The following FCHO1 variants were observed in gnomAD, a reference collection of about 807,000 sequenced individuals.
FCHO1 encodes the protein F-BAR domain only protein 1.
A neutral mutation model predicts 114.4 loss-of-function variants in FCHO1; 45 were observed. The observed-to-expected ratio is 0.39, with a 90% CI of 0.31 to 0.50. The LOEUF (loss-of-function observed/expected upper bound fraction) is 0.50. Among genes scored for constraint, FCHO1 ranks in the 20% least tolerant of loss-of-function variants. FCHO1 has a pLI of 0.77. For missense variants in FCHO1, 1,042 were observed against 1,209.6 expected (o/e 0.86, Z 2.06); for synonymous variants, 480 against 488.9 (o/e 0.98, Z 0.24).
intron 28 of FCHO1, 137 bp downstream of exon 28, chr19:17,787,983 G>A (rs946365736): frequency 3.3e-5 from 37 of 1,107,340 alleles, no homozygotes; most frequent in Non-Finnish European, 4.6e-5. Flanking sequence ...GACCCCAGAT[G>A]GGGGGCACAG....
chr19:17,755,493 G>A, intron 4 of FCHO1: 1 of 264,646 alleles, frequency 3.8e-6, no homozygotes, highest in Non-Finnish European at 7.2e-6. Context: ...TCAAACCCAG[G>A]GCCAAACTGA....
In FCHO1 at chr19:17,775,108, G is replaced by A. The variant is rs1216965490; in HGVS notation, c.945+28G>A. 6.2e-7 allele frequency: 1 copy of A among 1,606,842 alleles called. No homozygotes were observed. Among genetic ancestry groups the A allele is most frequent in the Non-Finnish European group, 8.5e-7 (1 of 1,175,908 alleles). On this transcript the variant is annotated intron_variant, in intron 14 of 28. Coordinates refer to ENST00000596536, the MANE Select transcript of FCHO1 (RefSeq NM_015122.3). The surrounding 1 kb of genome is among the most constrained non-coding windows in gnomAD (Gnocchi z 5.1). Reference sequence around the variant, plus strand: ...GAGTGATGTGGGAGGGGTCAGGCTGGGCTACAAGTGGAAGGAGTTTGATCC... The same window carrying A: ...GAGTGATGTGGGAGGGGTCAGGCTGAGCTACAAGTGGAAGGAGTTTGATCC...
At chr19:17,777,773 A>C (rs1254538964) in intron 18 of FCHO1, among the ~76,000 whole-genome samples, 1 of 152,088 alleles carries the variant, frequency 6.6e-6, no homozygotes, top group Non-Finnish European at 1.5e-5. Flanking sequence ...GGCTGCACAC[A>C]GTGGCTCACA....
intron 4 of FCHO1, among the ~76,000 whole-genome samples, chr19:17,761,223 G>T (rs1402370586): frequency 6.6e-6 from 1 of 152,128 alleles, no homozygotes; most frequent in Admixed American, 6.6e-5. Context: ...TCCTGGGAGA[G>T]AACTCAAACC....
chr19:17,784,233 C>G lies in FCHO1; in HGVS notation c.2224C>G (p.Gln742Glu). The change falls in exon 25 of 29, where the codon CAG becomes GAG. Residue 742 changes from glutamine (Q) to glutamate (E), a missense_variant and splice_region_variant. Gln to Glu is a conservative substitution (Grantham distance 29). Coordinates refer to ENST00000596536, the MANE Select transcript of FCHO1 (RefSeq NM_015122.3). This position sits in a 1 kb window ranked among gnomAD's most constrained non-coding sequence, Gnocchi z 5.3. ...CTACAACGTGGTGCTGCTGCGATAC[C>G]AGGTGCGCCACCCGCATGGGGCCGG... is the stretch of plus-strand genomic sequence containing the variant. ...SYYNVVLLRYQFSRPGPQSVP... is the reference protein window; with the variant it reads ...SYYNVVLLRYEFSRPGPQSVP... 2 of 1,602,502 alleles carry G rather than the reference C, an allele frequency of 1.2e-6. No individual in the cohort carries two copies. Among genetic ancestry groups the G allele is most frequent in the South Asian group, 1.1e-5 (1 of 89,844 alleles).
Position 17,776,553 on chromosome 19 carries a change from G to T in FCHO1, c.1208-82G>T, listed in dbSNP as rs762117794. 137 of 1,517,528 alleles carry T rather than the reference G, an allele frequency of 9.0e-5. No homozygotes were observed. The highest frequency in any genetic ancestry group is 1.2e-4 in the Non-Finnish European group (136 of 1,093,788). The allele number at this position is 1,517,528 out of a possible 1,614,324, so 94.0% of individuals were successfully genotyped here. ...CTTGGGCAACTGGCTGGACACCCCC[G>T]AGCCTCGGTCCCTTGGTCTGTGGAG... is the stretch of plus-strand genomic sequence containing the variant. On this transcript the variant is annotated intron_variant, in intron 17 of 28. Coordinates refer to ENST00000596536, the MANE Select transcript of FCHO1 (RefSeq NM_015122.3). The surrounding 1 kb of genome is among the most constrained non-coding windows in gnomAD (Gnocchi z 4.4).
rs375700835 is a variant in FCHO1 at position 17,778,860 on chromosome 19, G to A, written c.1603G>A (p.Gly535Arg). Residue 535 changes from glycine to arginine, a missense_variant, in exon 20 of 29, where the codon GGG becomes AGG. Physicochemically the swap from Gly to Arg is moderately radical, Grantham distance 125 (BLOSUM62 -2). Coordinates refer to ENST00000596536, the MANE Select transcript of FCHO1 (RefSeq NM_015122.3). ...QPLASSPGPWGLEALAGGDLM... is the reference protein window; with the variant it reads ...QPLASSPGPWRLEALAGGDLM... ...CCTCGCCTCGTCTCCAGGCCCCTGGGGGCTGGAGGCCTTGGCCGGAGGAGG... is the reference window on the plus strand; with the variant it reads ...CCTCGCCTCGTCTCCAGGCCCCTGGAGGCTGGAGGCCTTGGCCGGAGGAGG... 31 of 1,566,880 alleles carry A rather than the reference G, an allele frequency of 2.0e-5. No homozygotes were observed. The highest frequency in any genetic ancestry group is 2.3e-4 in the Middle Eastern group (1 of 4,410).
chr19:17,754,966 T>C, intron 3 of FCHO1, 152 bp from the exon 4 acceptor site: 1 of 638,482 alleles, frequency 1.6e-6, no homozygotes, highest in East Asian at 2.8e-5. Flanking sequence ...GCACTGGGGC[T>C]GAATTATCTC....
chr19:17,757,783 G>A (rs1568319180), intron 4 of FCHO1, among the ~76,000 whole-genome samples: 1 of 151,918 alleles, frequency 6.6e-6, no homozygotes, highest in Non-Finnish European at 1.5e-5. Flanking sequence ...GGGTGTGGTG[G>A]CGCGCACCTG....
At chr19:17,753,405 C>G (rs549690057) in intron 1 of FCHO1, among the ~76,000 whole-genome samples, 1 of 152,300 alleles carries the variant, frequency 6.6e-6, no homozygotes, top group African/African-American at 2.4e-5. Flanking sequence ...TTTAAAACCC[C>G]AACTCCCATG....
In FCHO1 at chr19:17,770,516, A is replaced by G. The variant is rs1296678310; in HGVS notation, c.428A>G (p.Asn143Ser). The change falls in exon 8 of 29, where the codon AAC (asparagine) becomes AGC (serine). Residue 143 changes from asparagine (N) to serine (S), a missense_variant. Coordinates refer to ENST00000596536, the MANE Select transcript of FCHO1 (RefSeq NM_015122.3). ...LLPKSRENYL[N>S]RCMDQERLRR... ...CCCAAGTCCCGCGAGAACTACCTGAACCGTTGCATGGACCAGGAGCGGCTG... is the reference window on the plus strand; with the variant it reads ...CCCAAGTCCCGCGAGAACTACCTGAGCCGTTGCATGGACCAGGAGCGGCTG... 1 of 1,613,952 alleles carries G rather than the reference A, an allele frequency of 6.2e-7. No homozygotes were observed.
intron 4 of FCHO1, among the ~76,000 whole-genome samples, chr19:17,760,689 T>G (rs930479374): frequency 6.6e-6 from 1 of 152,044 alleles, no homozygotes; most frequent in Non-Finnish European, 1.5e-5. Context: ...GGCAGATGTC[T>G]CCCAGGCTGT....
rs1230884557 is a variant in FCHO1, at chr19:17,776,964, A to C, written c.1259+278A>C. 6.6e-6 allele frequency among the ~76,000 whole-genome samples: 1 copy of C among 151,720 alleles called. No homozygotes were observed. The highest frequency in any genetic ancestry group is 2.4e-5 in the African/African-American group (1 of 41,316). The stretch of plus-strand genomic sequence containing the variant: ...AGGCACCCACCACCACGCCCAGCTA[A>C]CTTTTGTATTTTTAGTAGAGACAGG... On this transcript the variant is annotated intron_variant, in intron 18 of 28. Coordinates refer to ENST00000596536, the MANE Select transcript of FCHO1 (RefSeq NM_015122.3). This position sits in a 1 kb window ranked among gnomAD's most constrained non-coding sequence, Gnocchi z 4.4.
rs1430023239 is a variant in FCHO1 at position 17,761,756 on chromosome 19, G to A, written c.28-1006G>A. Among the ~76,000 whole-genome samples, 3 of 151,376 alleles carry A rather than the reference G, an allele frequency of 2.0e-5. No homozygotes were observed. In the South Asian group the frequency reaches 6.2e-4, roughly 31 times the overall value. On this transcript the variant is annotated intron_variant, in intron 4 of 28. Coordinates refer to ENST00000596536, the MANE Select transcript of FCHO1 (RefSeq NM_015122.3). The stretch of plus-strand genomic sequence containing the variant: ...GCTCACTGCAACCTCTGCCTCCCAC[G>A]TTCAAGCAATTCTCCTGCCTCGGCC...
intron 13 of FCHO1, 193 bp from the exon 14 acceptor site, chr19:17,774,863 C>T (rs2092389986): frequency 4.9e-6 from 3 of 615,040 alleles, no homozygotes; most frequent in Non-Finnish European, 8.6e-6. Context: ...TTTGAGAACA[C>T]TCTCTACTCA....
At position 17,775,491 on chromosome 19, in the gene FCHO1, C is replaced by A. The variant is rs1399726501; in HGVS notation, c.981C>A (p.Val327=). The A allele has an allele frequency of 6.2e-7, 1 of 1,613,980 alleles. No homozygotes were observed. Among genetic ancestry groups the A allele is most frequent in the East Asian group, 2.2e-5 (1 of 44,884 alleles). ...CPEVDEEGFT[V]RPDVTQNSTA... is the part of the protein sequence containing the mutation. ...AGGTGGATGAAGAAGGTTTCACTGTCCGGCCTGATGTGACCCAGAACAATA... is the reference window on the plus strand; with the variant it reads ...AGGTGGATGAAGAAGGTTTCACTGTACGGCCTGATGTGACCCAGAACAATA... The change falls in exon 15 of 29, where the codon GTC becomes GTA. Residue 327 remains valine (V), a synonymous_variant. Transcript: ENST00000596536. The surrounding 1 kb of genome is among the most constrained non-coding windows in gnomAD (Gnocchi z 5.1).
In FCHO1 at chr19:17,770,814, C is replaced by T. The variant is rs749006465; in HGVS notation, c.512C>T (p.Ala171Val). 3.0e-5 allele frequency: 49 copies of T among 1,613,992 alleles called. 1 individual carries two copies. The highest frequency in any genetic ancestry group is 8.8e-5 in the South Asian group (8 of 91,086). The change falls in exon 9 of 29, where the codon GCG becomes GTG. Residue 171 changes from alanine to valine, a missense_variant. Ala to Val is a moderately conservative substitution (Grantham distance 64, BLOSUM62 0). This residue lies in a region of FCHO1 where 450 missense variants were observed against 564.1 expected (regional missense o/e 0.80). Transcript: ENST00000596536. The stretch of plus-strand genomic sequence containing the variant: ...TAGGCGGAGACTAAAACCAAGAAGG[C>T]GGCAGAGAGCCTGCGGCGCTCAGTG... ...MDKAETKTKK[A>V]AESLRRSVEK...
intron 4 of FCHO1, 22 bp from the exon 5 acceptor site, chr19:17,762,740 T>G: frequency 6.4e-7 from 1 of 1,567,502 alleles, no homozygotes; most frequent in African/African-American, 1.3e-5. Flanking sequence ...CCTTTCTCAA[T>G]CTCTATTCCC....
intron 4 of FCHO1, chr19:17,755,515 C>T (rs954706851): frequency 2.6e-5 from 6 of 234,426 alleles, no homozygotes; most frequent in Non-Finnish European, 5.0e-5. Context: ...CTTCCAGGAC[C>T]CAGGGTCATT....
Sources: allele counts gnomAD v4.1 joint callset (sites outside exome capture counted in the v4.1 genomes callset), GRCh38; gene constraint gnomAD v4.1.1; regional missense constraint gnomAD v4.1.1; non-coding constraint Gnocchi (gnomAD v3.1); transcripts MANE v1.5; gene names NCBI Gene and HGNC (gene_info 2026-07-23, HGNC 2026-07-21).